DOK5: variants seen among roughly 807,000 people sequenced by gnomAD.
DOK5 encodes downstream of tyrosine kinase 5.
A neutral mutation model predicts 43.3 loss-of-function variants in DOK5; 27 were observed. The ratio of observed to expected loss-of-function variants is 0.62; its 90% CI spans 0.46 to 0.86. DOK5 has a LOEUF of 0.86. Among genes scored for constraint, DOK5 ranks in the 40% least tolerant of loss-of-function variants. The probability of loss-of-function intolerance (pLI) is 0.00; values close to 1 mark genes in which losing one functional copy is unlikely to be tolerated. For missense variants in DOK5, 373 were observed against 392.9 expected (o/e 0.95, Z 0.43); for synonymous variants, 146 against 140.1 (o/e 1.04, Z -0.30).
intron 1 of DOK5, among the ~76,000 whole-genome samples, chr20:54,522,527 T>C (rs1349041887): frequency 6.0e-5 from 9 of 151,050 alleles, no homozygotes; most frequent in African/African-American, 7.3e-5. Context: ...TCTTTCTTTT[T>C]TTTTTTTTTT....
rs886484162 is a variant in DOK5 at position 54,491,315 on chromosome 20, T to C, written c.66+15303T>C. 4.6e-5 allele frequency among the ~76,000 whole-genome samples: 7 copies of C among 152,334 alleles called. No individual in the cohort carries two copies. In the East Asian group the frequency reaches 1.3e-3, roughly 29 times the overall value. The stretch of plus-strand genomic sequence containing the variant: ...ATATTTAAGTGAATAATTGAAAACC[T>C]GAAATAACATCTTGCATGTTAAATT... On this transcript the variant is annotated intron_variant, in intron 1 of 7. Transcript: ENST00000262593.
intron 6 of DOK5, among the ~76,000 whole-genome samples, chr20:54,627,250 T>C (rs566290571): frequency 1.3e-5 from 2 of 152,244 alleles, no homozygotes; most frequent in African/African-American, 2.4e-5. Flanking sequence ...ACAGTTCTTA[T>C]AGATTGTTAA....
At chr20:54,581,932 A>T (rs1283154352) in intron 2 of DOK5, among the ~76,000 whole-genome samples, 1 of 151,980 alleles carries the variant, frequency 6.6e-6, no homozygotes, top group Non-Finnish European at 1.5e-5. Context: ...TACCTTGTTG[A>T]ATAAATGTGG....
At chr20:54,532,688 C>T (rs1031381848) in intron 1 of DOK5, among the ~76,000 whole-genome samples, 16 of 152,142 alleles carry the variant, frequency 1.1e-4, no homozygotes, top group African/African-American at 3.9e-4. Flanking sequence ...GAGTGATCTT[C>T]ACCGTGTCAC....
At chr20:54,558,445 TTG>T (rs1158971412) in intron 2 of DOK5, among the ~76,000 whole-genome samples, 1 of 152,214 alleles carries the variant, frequency 6.6e-6, no homozygotes, top group East Asian at 1.9e-4. Context: ...CTCCAAGCCC[TTG>T]ATGAATTCCT....
At chr20:54,492,294 G>T (rs928253095) in intron 1 of DOK5, among the ~76,000 whole-genome samples, 4 of 152,002 alleles carry the variant, frequency 2.6e-5, no homozygotes, top group African/African-American at 9.7e-5. Flanking sequence ...GTACTTGTGT[G>T]TATATATATA....
intron 1 of DOK5, among the ~76,000 whole-genome samples, chr20:54,501,137 C>G (rs941213396): frequency 1.3e-5 from 2 of 151,998 alleles, no homozygotes; most frequent in Non-Finnish European, 2.9e-5. Flanking sequence ...TCCCTATGGG[C>G]TACGATTTAC....
At chr20:54,597,650 C>A (rs140732254) in intron 5 of DOK5, among the ~76,000 whole-genome samples, 1 of 152,322 alleles carries the variant, frequency 6.6e-6, no homozygotes, top group East Asian at 1.9e-4. Context: ...CTTTTACTTC[C>A]AAACTCCATA....
chr20:54,533,300 C>T (rs1245535458), intron 1 of DOK5, among the ~76,000 whole-genome samples: 1 of 152,192 alleles, frequency 6.6e-6, no homozygotes, highest in Non-Finnish European at 1.5e-5. Context: ...CACTGGGGGA[C>T]ACCATCACTC....
intron 1 of DOK5, among the ~76,000 whole-genome samples, chr20:54,520,873 G>A (rs1299759249): frequency 6.6e-6 from 1 of 152,138 alleles, no homozygotes; most frequent in African/African-American, 2.4e-5. Flanking sequence ...GGCCTCTGAA[G>A]TTTCCCATGA....
chr20:54,522,274 C>T (rs1461215340), intron 1 of DOK5, among the ~76,000 whole-genome samples: 6 of 152,102 alleles, frequency 3.9e-5, no homozygotes, highest in African/African-American at 9.7e-5. Flanking sequence ...TTGTGTTGGG[C>T]GGCATTTAAA....
chr20:54,624,251 G>A (rs974981956), intron 6 of DOK5, among the ~76,000 whole-genome samples: 1 of 152,190 alleles, frequency 6.6e-6, no homozygotes, highest in Non-Finnish European at 1.5e-5. Flanking sequence ...GCATGTGCTT[G>A]GCATCTTGTC....
intron 1 of DOK5, among the ~76,000 whole-genome samples, chr20:54,537,644 A>C (rs575219772): frequency 6.6e-6 from 1 of 152,290 alleles, no homozygotes; most frequent in South Asian, 2.1e-4. Context: ...GAGAAAAAAT[A>C]GACTGGAAAA....
chr20:54,580,129 A>G (rs1307306121), intron 2 of DOK5, among the ~76,000 whole-genome samples: 1 of 152,164 alleles, frequency 6.6e-6, no homozygotes, highest in African/African-American at 2.4e-5. Flanking sequence ...TTATGGCTGC[A>G]TAATATTGCA....
intron 2 of DOK5, among the ~76,000 whole-genome samples, chr20:54,559,635 A>G (rs563976124): frequency 6.6e-6 from 1 of 152,344 alleles, no homozygotes; most frequent in South Asian, 2.1e-4. Context: ...TGGGCTCTGA[A>G]AAGTCCTACA....
At chr20:54,628,004 G>A (rs998451818) in intron 6 of DOK5, among the ~76,000 whole-genome samples, 12 of 152,132 alleles carry the variant, frequency 7.9e-5, no homozygotes, top group African/African-American at 2.9e-4. Flanking sequence ...ATGATACAAC[G>A]GTTCACAGTG....
chr20:54,561,908 C>T (rs138388693), intron 2 of DOK5, among the ~76,000 whole-genome samples: 2,340 of 152,286 alleles, frequency 0.015, 57 homozygotes, highest in African/African-American at 0.053. Flanking sequence ...CCGCCCACCT[C>T]GGCCTTCCAA....
At chr20:54,480,995 T>TATC (rs1981665550) in intron 1 of DOK5, among the ~76,000 whole-genome samples, 6 of 139,812 alleles carry the variant, frequency 4.3e-5, no homozygotes, top group African/African-American at 1.1e-4. Flanking sequence ...ATCTATCATC[T>TATC]ATCTATCATC....
At chr20:54,509,588 T>C (rs1225739546) in intron 1 of DOK5, among the ~76,000 whole-genome samples, 1 of 152,260 alleles carries the variant, frequency 6.6e-6, no homozygotes. Flanking sequence ...GCATTTTACA[T>C]TCATTTTCTC....
Sources: allele counts gnomAD v4.1 joint callset (sites outside exome capture counted in the v4.1 genomes callset), GRCh38; gene constraint gnomAD v4.1.1; transcripts MANE v1.5; gene names NCBI Gene and HGNC (gene_info 2026-07-23, HGNC 2026-07-21).